The following CACNA2D2 variants were observed in gnomAD, a reference collection of about 807,000 sequenced individuals.
The protein encoded by CACNA2D2 is calcium voltage-gated channel auxiliary subunit alpha2delta 2.
CACNA2D2 carries 48 observed loss-of-function variants against 166.4 expected under a neutral mutation model. The ratio of observed to expected loss-of-function variants is 0.29; its 90% confidence interval spans 0.23 to 0.37. CACNA2D2 has a LOEUF of 0.37. CACNA2D2 is among the 10% of genes least tolerant of loss of function. The pLI is 1.00. For synonymous variants in CACNA2D2, 561 were observed against 573.7 expected (o/e 0.98, Z 0.32); for missense variants, 1,122 against 1,433.0 (o/e 0.78, Z 3.50).
At chr3:50,491,143 C>G (rs763987786) in intron 1 of CACNA2D2, among the ~76,000 whole-genome samples, 1 of 152,226 alleles carries the variant, frequency 6.6e-6, no homozygotes, top group South Asian at 2.1e-4. Flanking sequence ...CTCCCCGTGC[C>G]CATCAGAAGC....
At chr3:50,449,571 A>G (rs1382914436) in intron 2 of CACNA2D2, among the ~76,000 whole-genome samples, 1 of 152,192 alleles carries the variant, frequency 6.6e-6, no homozygotes, top group African/African-American at 2.4e-5. Flanking sequence ...AGGGCATAAA[A>G]GGGCAGACCC....
At chr3:50,382,733 T>C (rs1031393775) in intron 6 of CACNA2D2, among the ~76,000 whole-genome samples, 3 of 152,192 alleles carry the variant, frequency 2.0e-5, no homozygotes. Context: ...TGAGAGAGTC[T>C]GCCTGGCAGG....
intron 5 of CACNA2D2, among the ~76,000 whole-genome samples, chr3:50,384,705 T>G (rs1025026746): frequency 3.9e-5 from 6 of 152,220 alleles, no homozygotes; most frequent in African/African-American, 1.4e-4. Context: ...GAATTCTGCT[T>G]ACAAGGATGT....
chr3:50,443,905 A>G (rs1708721828), intron 2 of CACNA2D2, among the ~76,000 whole-genome samples: 1 of 152,166 alleles, frequency 6.6e-6, no homozygotes, highest in South Asian at 2.1e-4. Context: ...ACTCCCAATC[A>G]TGTCACAGCT....
At chr3:50,475,322 G>A (rs944847903) in intron 2 of CACNA2D2, among the ~76,000 whole-genome samples, 1 of 151,978 alleles carries the variant, frequency 6.6e-6, no homozygotes, top group Non-Finnish European at 1.5e-5. Flanking sequence ...TGCTGTTCCC[G>A]AGCCAACTCT....
In CACNA2D2 at chr3:50,380,221, G is replaced by C. The variant is rs41315894; in HGVS notation, c.843-203C>G. 3.0e-3 allele frequency among the ~76,000 whole-genome samples: 451 copies of C among 152,356 alleles called. 3 individuals are homozygous for C. Among genetic ancestry groups the C allele is most frequent in the African/African-American group, 9.9e-3 (413 of 41,574 alleles). On this transcript the variant is annotated intron_variant, in intron 8 of 37. Coordinates refer to ENST00000424201, the MANE Select transcript of CACNA2D2 (RefSeq NM_006030.4). The surrounding 1 kb of genome is among the most constrained non-coding windows in gnomAD (Gnocchi z 4.9). ...CATGAATGGTCTGGTTCCTCAGCAA[G>C]GAAAAAGTACCAGGGGGTATATGAG...
chr3:50,365,398 T>G lies in CACNA2D2; in HGVS notation c.3056A>C (p.Asn1019Thr), dbSNP rs757097781. ...KQTQYYFGSVNASYNAIIDCG... is the reference protein window; with the variant it reads ...KQTQYYFGSVTASYNAIIDCG... ...GTCGATGATGGCGTTGTAGGAGGCG[T>G]TTACCGAGCCGAAGTAGTACTGGGT... Residue 1019 changes from asparagine (N) to threonine (T), a missense_variant, in exon 35 of 38, where the codon AAC (asparagine) becomes ACC (threonine). Physicochemically the swap from Asn to Thr is moderately conservative, Grantham distance 65. Coordinates refer to ENST00000424201, the MANE Select transcript of CACNA2D2 (RefSeq NM_006030.4). The surrounding 1 kb of genome is among the most constrained non-coding windows in gnomAD (Gnocchi z 4.5). 5.6e-6 allele frequency: 9 copies of G among 1,613,542 alleles called. No homozygotes were observed. The South Asian group carries it at 9.9e-5, about 18-fold the overall frequency.
intron 1 of CACNA2D2, among the ~76,000 whole-genome samples, chr3:50,490,200 G>C (rs1698467492): frequency 6.6e-6 from 1 of 152,184 alleles, no homozygotes; most frequent in East Asian, 1.9e-4. Context: ...TGCAGATTTT[G>C]GCAACTGGCT....
At chr3:50,382,901 C>T (rs1036982532) in intron 6 of CACNA2D2, among the ~76,000 whole-genome samples, 5 of 152,296 alleles carry the variant, frequency 3.3e-5, no homozygotes, top group South Asian at 2.1e-4. Context: ...TACCCATACA[C>T]GGCAAGGCAC....
At chr3:50,384,688 G>C (rs746096425) in intron 5 of CACNA2D2, among the ~76,000 whole-genome samples, 1 of 152,222 alleles carries the variant, frequency 6.6e-6, no homozygotes, top group Non-Finnish European at 1.5e-5. Flanking sequence ...AGAAGGAGCA[G>C]GCTCCAGAAT....
chr3:50,422,861 G>T (rs1707639780), intron 3 of CACNA2D2, among the ~76,000 whole-genome samples: 1 of 152,240 alleles, frequency 6.6e-6, no homozygotes, highest in Admixed American at 6.5e-5. Flanking sequence ...ACCTACTTAT[G>T]AAGTGGGTGG....
At chr3:50,481,896 T>A (rs2107118620) in intron 1 of CACNA2D2, among the ~76,000 whole-genome samples, 1 of 152,264 alleles carries the variant, frequency 6.6e-6, no homozygotes, top group Non-Finnish European at 1.5e-5. Context: ...CCCGGGAGGC[T>A]GAGGTTGGAG....
At chr3:50,447,477 G>T (rs1182854544) in intron 2 of CACNA2D2, among the ~76,000 whole-genome samples, 1 of 152,128 alleles carries the variant, frequency 6.6e-6, no homozygotes, top group African/African-American at 2.4e-5. Flanking sequence ...GACAAGAGCG[G>T]AACAAATTGC....
At chr3:50,411,471 C>T (rs1425900547) in intron 3 of CACNA2D2, among the ~76,000 whole-genome samples, 1 of 152,196 alleles carries the variant, frequency 6.6e-6, no homozygotes, top group Admixed American at 6.5e-5. Context: ...ATTCCAGACA[C>T]AGTGCAGCCA....
chr3:50,500,495 G>A (rs1698915941), intron 1 of CACNA2D2, among the ~76,000 whole-genome samples: 1 of 152,166 alleles, frequency 6.6e-6, no homozygotes. Flanking sequence ...CTGAAGAAGG[G>A]GGACAGGGGA....
At chr3:50,461,745 C>CAAA (rs561980044) in intron 2 of CACNA2D2, among the ~76,000 whole-genome samples, 2 of 40,574 alleles carry the variant, frequency 4.9e-5, no homozygotes, top group Admixed American at 2.9e-4. Flanking sequence ...TGGGGAGTCT[C>CAAA]AAAAAAAAAA....
At chr3:50,444,161 G>A (rs1708734915) in intron 2 of CACNA2D2, among the ~76,000 whole-genome samples, 1 of 152,322 alleles carries the variant, frequency 6.6e-6, no homozygotes, top group South Asian at 2.1e-4. Flanking sequence ...AAGGACTCCA[G>A]AGTGGCTAGA....
At chr3:50,406,207 G>C (rs1706702397) in intron 3 of CACNA2D2, among the ~76,000 whole-genome samples, 1 of 151,822 alleles carries the variant, frequency 6.6e-6, no homozygotes, top group South Asian at 2.1e-4. Context: ...ATGCAAATTG[G>C]CACAGAGGCA....
chr3:50,480,474 T>G (rs2107111103), intron 1 of CACNA2D2, among the ~76,000 whole-genome samples: 5 of 142,828 alleles, frequency 3.5e-5, no homozygotes, highest in South Asian at 2.5e-4. Context: ...GTGTGGGGGG[T>G]GGGGAGGCTT....
Sources: gnomAD v4.1 joint callset for allele counts (sites outside exome capture counted in the v4.1 genomes callset) on GRCh38, gnomAD v4.1.1 for gene constraint, Gnocchi (gnomAD v3.1) non-coding constraint, MANE v1.5 for transcripts, NCBI Gene and HGNC (gene_info 2026-07-23, HGNC 2026-07-21) for gene names.